Variants in LIMD1 observed in about 807,000 individuals in gnomAD.
LIMD1 encodes the protein LIM domain containing 1, also known as LIM domain-containing protein 1.
Under a neutral mutation model 58.4 loss-of-function variants are expected in LIMD1, and 23 were observed. That is an observed-to-expected ratio of 0.39 (90% CI 0.28 to 0.56). The LOEUF is 0.56. Ranked by LOEUF, LIMD1 falls within the 20% of genes least tolerant of loss-of-function variation. The probability of loss-of-function intolerance (pLI) is 0.57; values close to 1 mark genes in which losing one functional copy is unlikely to be tolerated. For missense variants in LIMD1, 838 were observed against 855.5 expected (o/e 0.98, Z 0.25); for synonymous variants, 334 against 345.5 (o/e 0.97, Z 0.37).
At position 45,677,274 on chromosome 3, in the gene LIMD1, A is replaced by ATTT. The variant is rs140436368; in HGVS notation, c.*217_*219dup. 9.8e-3 allele frequency: 5,065 copies of ATTT among 514,870 alleles called. 210 individuals are homozygous for ATTT. Among genetic ancestry groups the ATTT allele is most frequent in the African/African-American group, 0.088 (4,564 of 52,100 alleles). The allele number at this position is 514,870 out of a possible 1,614,324, so 31.9% of individuals were successfully genotyped here. On this transcript the variant is annotated 3_prime_UTR_variant, in exon 8 of 8. Transcript: ENST00000273317. ...TCCAAGTGCTTTTCTCTGTTGCCAC[A>ATTT]TTTTCCTCAGGTTACTCAGGAAAAT...
At chr3:45,649,485 T>C (rs1195535908) in intron 2 of LIMD1, among the ~76,000 whole-genome samples, 1 of 151,444 alleles carries the variant, frequency 6.6e-6, no homozygotes, top group Non-Finnish European at 1.5e-5. Context: ...ATCGAGACCA[T>C]CCTGACTAAC....
At position 45,619,246 on chromosome 3, in the gene LIMD1, C is replaced by T. The variant is rs146758585; in HGVS notation, c.1409-16904C>T. ...CTGGTCTTGAACTCCTGGGCTCAAG[C>T]AGTCCTCCCGCTTCAGCCTCCTAAA... On this transcript the variant is annotated intron_variant, in intron 1 of 7. Transcript: ENST00000273317. 4.1e-3 allele frequency among the ~76,000 whole-genome samples: 621 copies of T among 152,178 alleles called. 7 individuals are homozygous for T. Among genetic ancestry groups the T allele is most frequent in the African/African-American group, 0.014 (591 of 41,508 alleles).
intron 2 of LIMD1, among the ~76,000 whole-genome samples, chr3:45,656,775 C>CA (rs1433226348): frequency 2.0e-5 from 3 of 152,170 alleles, no homozygotes; most frequent in Admixed American, 6.5e-5. Flanking sequence ...CTTGGCCTCC[C>CA]AAAGTGCTGA....
chr3:45,617,438 G>A (rs1701586630), intron 1 of LIMD1, among the ~76,000 whole-genome samples: 1 of 152,132 alleles, frequency 6.6e-6, no homozygotes, highest in Non-Finnish European at 1.5e-5. Flanking sequence ...GCACAGAACC[G>A]ATGTTAAACT....
intron 3 of LIMD1, among the ~76,000 whole-genome samples, chr3:45,668,078 T>C (rs930245374): frequency 6.6e-6 from 1 of 152,134 alleles, no homozygotes; most frequent in African/African-American, 2.4e-5. Flanking sequence ...GACACAGTCA[T>C]TGTTAGAGTG....
intron 2 of LIMD1, among the ~76,000 whole-genome samples, chr3:45,642,968 C>T (rs1225405837): frequency 6.6e-6 from 1 of 152,196 alleles, no homozygotes. Flanking sequence ...CCATGCCCCC[C>T]CACTGGCACT....
At position 45,683,118 on chromosome 3, in the gene LIMD1, C is replaced by T. The variant is rs2742412; in HGVS notation, c.*6059C>T. On this transcript the variant is annotated 3_prime_UTR_variant, in exon 8 of 8. Coordinates refer to ENST00000273317, the MANE Select transcript of LIMD1 (RefSeq NM_014240.3). ...CTCCTTGTAAGGACACTTGGGATTA[C>T]GCCCATCCAGATAATCTAGAATAAT... is the stretch of plus-strand genomic sequence containing the variant. The T allele has an allele frequency of 0.82, 124,020 of 152,168 alleles. 50,689 individuals are homozygous for T. The highest frequency in any genetic ancestry group is 0.9 in the Middle Eastern group (266 of 294). The allele number at this position is 152,168 out of a possible 1,614,324, so 9.4% of individuals were successfully genotyped here.
chr3:45,622,857 A>G (rs749066729), intron 1 of LIMD1, among the ~76,000 whole-genome samples: 1 of 151,962 alleles, frequency 6.6e-6, no homozygotes, highest in Non-Finnish European at 1.5e-5. Context: ...TAGTAGAGAC[A>G]GGGTTTCACC....
intron 5 of LIMD1, among the ~76,000 whole-genome samples, chr3:45,673,235 C>T (rs1697618257): frequency 6.6e-6 from 1 of 152,092 alleles, no homozygotes; most frequent in African/African-American, 2.4e-5. Context: ...GTGCTGTCCC[C>T]AGAAGAGTGA....
intron 1 of LIMD1, among the ~76,000 whole-genome samples, chr3:45,632,754 C>A (rs969931874): frequency 1.3e-5 from 2 of 152,202 alleles, no homozygotes; most frequent in Admixed American, 6.5e-5. Flanking sequence ...TGCCCAGTGG[C>A]AGATGCACCA....
chr3:45,645,495 C>T lies in LIMD1; in HGVS notation c.1510+9244C>T, dbSNP rs113435289. 2.6e-3 allele frequency among the ~76,000 whole-genome samples: 396 copies of T among 152,296 alleles called. 7 individuals carry two copies. Among genetic ancestry groups the T allele is most frequent in the African/African-American group, 9.1e-3 (377 of 41,550 alleles). On this transcript the variant is annotated intron_variant, in intron 2 of 7. Coordinates refer to ENST00000273317, the MANE Select transcript of LIMD1 (RefSeq NM_014240.3). ...TTTTTGTTGGAAGTCTGTACCTTTC[C>T]TCCGTGGTAGTCCCAGACCAAGGGT...
At chr3:45,652,305 G>C (rs1701982773) in intron 2 of LIMD1, among the ~76,000 whole-genome samples, 1 of 152,136 alleles carries the variant, frequency 6.6e-6, no homozygotes, top group Non-Finnish European at 1.5e-5. Flanking sequence ...TATTTTCCAT[G>C]TTGCTACTTA....
intron 2 of LIMD1, among the ~76,000 whole-genome samples, 175 bp downstream of exon 2, chr3:45,636,426 C>T (rs1419440203): frequency 6.6e-6 from 1 of 152,160 alleles, no homozygotes; most frequent in Admixed American, 6.5e-5. Flanking sequence ...AACAGAAGCC[C>T]ATCAGGGCAC....
At chr3:45,676,845 T>C (rs1484307624) in intron 7 of LIMD1, 77 bp from the exon 8 acceptor site, 3 of 1,387,006 alleles carry the variant, frequency 2.2e-6, no homozygotes, top group East Asian at 2.3e-5. Flanking sequence ...TCTGCTGATT[T>C]TGGGGACTGT....
At chr3:45,654,152 A>T (rs1210488108) in intron 2 of LIMD1, among the ~76,000 whole-genome samples, 1 of 152,240 alleles carries the variant, frequency 6.6e-6, no homozygotes, top group East Asian at 1.9e-4. Flanking sequence ...CACCATGGAC[A>T]GTACAGGTAG....
At chr3:45,621,087 C>G (rs1701624919) in intron 1 of LIMD1, among the ~76,000 whole-genome samples, 1 of 152,210 alleles carries the variant, frequency 6.6e-6, no homozygotes, top group Non-Finnish European at 1.5e-5. Context: ...TATACTCTTC[C>G]AAAGTACCAA....
chr3:45,674,331 C>G lies in LIMD1; in HGVS notation c.1825-12C>G, dbSNP rs1697637205. The G allele has an allele frequency of 1.9e-6, 3 of 1,612,786 alleles. No homozygotes were observed. The African/African-American group carries it at 4.0e-5, about 22-fold the overall frequency. Reference sequence around the variant, plus strand: ...GCCTCTCCTATGTGTTCTTGCTTTTCTCTGGTCCCAGGGCTCAGATGAGAC... The same window carrying G: ...GCCTCTCCTATGTGTTCTTGCTTTTGTCTGGTCCCAGGGCTCAGATGAGAC... On this transcript the variant is annotated splice_polypyrimidine_tract_variant and intron_variant, in intron 6 of 7. Coordinates refer to ENST00000273317, the MANE Select transcript of LIMD1 (RefSeq NM_014240.3).
chr3:45,601,337 G>A (rs978612507), intron 1 of LIMD1, among the ~76,000 whole-genome samples: 4 of 152,194 alleles, frequency 2.6e-5, no homozygotes, highest in Non-Finnish European at 5.9e-5. Flanking sequence ...CTCCCTCATG[G>A]ATCAGCTGTT....
chr3:45,662,588 T>TC (rs1169457569), intron 2 of LIMD1, among the ~76,000 whole-genome samples: 17 of 152,184 alleles, frequency 1.1e-4, no homozygotes, highest in African/African-American at 4.1e-4. Context: ...TCATCTTGAT[T>TC]CCTTTTCCCA....
Sources: gnomAD v4.1 joint callset for allele counts (sites outside exome capture counted in the v4.1 genomes callset) on GRCh38, gnomAD v4.1.1 for gene constraint, MANE v1.5 for transcripts, NCBI Gene and HGNC (gene_info 2026-07-23, HGNC 2026-07-21) for gene names.